The following RBFOX1 variants were observed in gnomAD, a reference collection of about 807,000 sequenced individuals.
The protein encoded by RBFOX1 is RNA binding fox-1 homolog 1.
In RBFOX1, 8 loss-of-function variants were observed where a neutral mutation model predicts 57.7. The observed-to-expected ratio is 0.14, with a 90% confidence interval of 0.08 to 0.25. The LOEUF (loss-of-function observed/expected upper bound fraction) is 0.25. Among genes scored for constraint, RBFOX1 ranks in the 10% least tolerant of loss-of-function variants. The pLI is 1.00. For missense variants in RBFOX1, 611 were observed against 548.5 expected (o/e 1.11, Z -1.14); for synonymous variants, 326 against 222.4 (o/e 1.47, Z -4.15).
rs1596313736 is a variant in RBFOX1 at position 5,966,875 on chromosome 16, A to T, written c.351+99540A>T. ...AGTGCAATTCATGCCTCCACCAGTCACTATCCTGTCCTCTTCCCAAACAGC... is the reference window on the plus strand; with the variant it reads ...AGTGCAATTCATGCCTCCACCAGTCTCTATCCTGTCCTCTTCCCAAACAGC... On this transcript the variant is annotated intron_variant, in intron 4 of 19. Transcript: ENST00000641259. Among the ~76,000 whole-genome samples, 5 of 151,224 alleles carry T rather than the reference A, an allele frequency of 3.3e-5. No homozygotes were observed. In the Admixed American group the frequency reaches 3.3e-4, roughly 10 times the overall value.
intron 3 of RBFOX1, among the ~76,000 whole-genome samples, chr16:7,005,097 T>G (rs1167984622): frequency 6.6e-6 from 1 of 152,110 alleles, no homozygotes; most frequent in Non-Finnish European, 1.5e-5. Context: ...TCAGCTGAGA[T>G]CGCGTCATTG....
At chr16:6,632,330 G>A (rs1190982370) in intron 2 of RBFOX1, among the ~76,000 whole-genome samples, 2 of 150,496 alleles carry the variant, frequency 1.3e-5, no homozygotes, top group Non-Finnish European at 3.0e-5. Flanking sequence ...AGATAGCCAG[G>A]GAGAAAGAAA....
chr16:6,378,805 A>G (rs1440039661), intron 2 of RBFOX1, among the ~76,000 whole-genome samples: 1 of 152,046 alleles, frequency 6.6e-6, no homozygotes, highest in Non-Finnish European at 1.5e-5. Flanking sequence ...TCTCATCTTT[A>G]TAATATCTCT....
intron 2 of RBFOX1, among the ~76,000 whole-genome samples, chr16:6,382,087 G>A (rs183984618): frequency 1.3e-5 from 2 of 152,312 alleles, no homozygotes; most frequent in African/African-American, 2.4e-5. Flanking sequence ...AAACAGATGG[G>A]TGTGGCTGTG....
At chr16:7,697,292 G>A (rs988827200) in intron 14 of RBFOX1, among the ~76,000 whole-genome samples, 9 of 152,172 alleles carry the variant, frequency 5.9e-5, no homozygotes, top group Admixed American at 5.9e-4. Flanking sequence ...TGGCAGATTA[G>A]AAGTGTACAA....
rs2059413726 is a variant in RBFOX1, at chr16:5,947,024, C to T, written c.351+79689C>T. On this transcript the variant is annotated intron_variant, in intron 4 of 19. Coordinates refer to the RBFOX1 transcript ENST00000641259. The surrounding 1 kb of genome is among the most constrained non-coding windows in gnomAD (Gnocchi z 7.2). ...GCCAGGAGTTTGAGACCAGCTCTAG[C>T]AATATAGTGACACCCCATCTGTACA... Among the ~76,000 whole-genome samples, 1 of 152,102 alleles carries T rather than the reference C, an allele frequency of 6.6e-6. No individual in the cohort carries two copies. The highest frequency in any genetic ancestry group is 6.5e-5 in the Admixed American group (1 of 15,280).
intron 4 of RBFOX1, among the ~76,000 whole-genome samples, chr16:7,385,445 G>A (rs997895100): frequency 6.6e-6 from 1 of 152,174 alleles, no homozygotes; most frequent in Non-Finnish European, 1.5e-5. Context: ...AATGATTCCA[G>A]GATGGAGAGG....
chr16:6,651,867 A>G (rs1381255696), intron 2 of RBFOX1, among the ~76,000 whole-genome samples: 1 of 152,206 alleles, frequency 6.6e-6, no homozygotes, highest in African/African-American at 2.4e-5. Context: ...TCTCCATACA[A>G]TGCAATGTTA....
intron 1 of RBFOX1, among the ~76,000 whole-genome samples, chr16:5,335,109 A>G (rs914710799): frequency 3.3e-5 from 5 of 152,114 alleles, no homozygotes; most frequent in African/African-American, 1.2e-4. Flanking sequence ...TTCCTTCACA[A>G]TGTTGCGAAG....
At chr16:5,576,021 C>T (rs1176911524) in intron 2 of RBFOX1, among the ~76,000 whole-genome samples, 2 of 151,934 alleles carry the variant, frequency 1.3e-5, no homozygotes, top group Non-Finnish European at 2.9e-5. Context: ...GAGTCTCACT[C>T]TGTCACCCAG....
intron 3 of RBFOX1, among the ~76,000 whole-genome samples, chr16:6,863,725 CTTTTT>C (rs71408412): frequency 0.045 from 3,042 of 67,574 alleles, 129 homozygotes; most frequent in Non-Finnish European, 0.064. Context: ...GATGCCTGCG[CTTTTT>C]TTTTTTTTTT....
intron 1 of RBFOX1, among the ~76,000 whole-genome samples, chr16:6,067,351 A>G (rs967242202): frequency 7.6e-6 from 1 of 132,094 alleles, no homozygotes; most frequent in Non-Finnish European, 1.6e-5. Context: ...TTTTGTTAAT[A>G]GCAGAAGTGA....
At chr16:5,619,532 C>G (rs1281095363) in intron 3 of RBFOX1, among the ~76,000 whole-genome samples, 1 of 152,168 alleles carries the variant, frequency 6.6e-6, no homozygotes, top group African/African-American at 2.4e-5. Flanking sequence ...GCCTTTCACT[C>G]GAGAGAAATT....
intron 4 of RBFOX1, among the ~76,000 whole-genome samples, chr16:7,294,197 A>T (rs555202558): frequency 6.6e-6 from 1 of 152,022 alleles, no homozygotes; most frequent in Non-Finnish European, 1.5e-5. Flanking sequence ...ATTAGGAGAA[A>T]TCACCACTTA....
intron 3 of RBFOX1, among the ~76,000 whole-genome samples, chr16:7,022,433 C>A (rs889991078): frequency 6.6e-6 from 1 of 151,966 alleles, no homozygotes; most frequent in African/African-American, 2.4e-5. Context: ...TATCTTCATG[C>A]CCCACATTTC....
intron 1 of RBFOX1, among the ~76,000 whole-genome samples, chr16:6,203,980 C>CT (rs60829829): frequency 0.052 from 7,118 of 137,644 alleles, 465 homozygotes; most frequent in African/African-American, 0.16. Context: ...TGTTTTGTTT[C>CT]TTTTTTTTTT....
At chr16:7,602,425 C>T (rs1194476991) in intron 9 of RBFOX1, among the ~76,000 whole-genome samples, 1 of 152,176 alleles carries the variant, frequency 6.6e-6, no homozygotes, top group African/African-American at 2.4e-5. Context: ...CCTTATCAGC[C>T]ATTCTCCTTT....
At chr16:7,333,708 C>G (rs1037509936) in intron 4 of RBFOX1, among the ~76,000 whole-genome samples, 4 of 152,138 alleles carry the variant, frequency 2.6e-5, no homozygotes, top group African/African-American at 4.8e-5. Flanking sequence ...GCTGGTTTTA[C>G]TTTGAAGTCT....
At chr16:7,272,749 TG>T (rs1399681848) in intron 4 of RBFOX1, among the ~76,000 whole-genome samples, 1 of 152,112 alleles carries the variant, frequency 6.6e-6, no homozygotes, top group East Asian at 1.9e-4. Flanking sequence ...CTGAAGCTCC[TG>T]AAACCTCTGA....
Sources: gnomAD v4.1 joint callset for allele counts (sites outside exome capture counted in the v4.1 genomes callset) on GRCh38, gnomAD v4.1.1 for gene constraint, Gnocchi (gnomAD v3.1) non-coding constraint, MANE v1.5 for transcripts, NCBI Gene and HGNC (gene_info 2026-07-23, HGNC 2026-07-21) for gene names.